The following MNT variants were observed in gnomAD, a reference collection of about 807,000 sequenced individuals.
MNT encodes the protein max-binding protein MNT.
Under a neutral mutation model 40.7 loss-of-function variants are expected in MNT, and 13 were observed. The ratio of observed to expected loss-of-function variants is 0.32; its 90% CI spans 0.21 to 0.51. MNT has a LOEUF of 0.51. MNT is among the 20% of genes least tolerant of loss of function. MNT has a pLI of 0.98. For synonymous variants in MNT, 426 were observed against 354.8 expected, an observed-to-expected ratio of 1.20 and a Z score of -2.26; for missense variants, 757 against 792.0, an observed-to-expected ratio of 0.96 and a Z score of 0.53.
rs1248214943 is a variant in MNT, at chr17:2,394,127, C to T, written c.723G>A (p.Glu241=). Reference sequence around the variant, plus strand: ...CGTTGGGGATGTTCCGCTTCAGGGTCTCAAAGCACTCTTTCAGATGGGCCC... The same window carrying T: ...CGTTGGGGATGTTCCGCTTCAGGGTTTCAAAGCACTCTTTCAGATGGGCCC... The part of the protein sequence containing the change: ...NRRAHLKECF[E]TLKRNIPNVD... The change falls in exon 4 of 6, where the codon GAG becomes GAA. Residue 241 remains glutamate (E), a synonymous_variant. Coordinates refer to ENST00000174618, the MANE Select transcript of MNT (RefSeq NM_020310.3). 3 of 1,609,272 alleles carry T rather than the reference C, an allele frequency of 1.9e-6. No homozygotes were observed. The highest frequency in any genetic ancestry group is 1.4e-5 in the African/African-American group (1 of 74,062).
intron 4 of MNT, chr17:2,390,051 A>G (rs1415607531): frequency 3.3e-5 from 5 of 152,272 alleles, no homozygotes; most frequent in African/African-American, 1.2e-4. Context: ...GGCTCATACA[A>G]AGTCTCTCAC....
Position 2,400,836 on chromosome 17 carries a change from G to A in MNT, c.-124C>T, listed in dbSNP as rs1379541415. ...CCGGGGGGCGACAGGGCTGGGCGGC[G>A]CAGCGCACTCCGCAGGGAAGAACGG... On this transcript the variant is annotated 5_prime_UTR_variant, in exon 1 of 6. Transcript: ENST00000174618. 7 of 638,902 alleles carry A rather than the reference G, an allele frequency of 1.1e-5. No homozygotes were observed. In the Admixed American group the frequency reaches 2.1e-4, roughly 19 times the overall value. 39.6% of individuals were successfully genotyped at this position (638,902 alleles called of 1,614,324 possible).
intron 1 of MNT, among the ~76,000 whole-genome samples, chr17:2,396,038 G>A (rs781678191): frequency 4.3e-4 from 66 of 152,174 alleles, no homozygotes; most frequent in Non-Finnish European, 8.2e-4. Context: ...TTCGCTGCAG[G>A]TCCCACAGCA....
In MNT at chr17:2,394,890, T is replaced by C. The variant is rs1305342400; in HGVS notation, c.638A>G (p.Lys213Arg). 10 of 1,591,198 alleles carry C rather than the reference T, an allele frequency of 6.3e-6. No individual in the cohort carries two copies. In the East Asian group the frequency reaches 1.8e-4, roughly 29 times the overall value. ...CCCCACTCACCCCCCGGGCCTCTTC[T>C]TCTGTTCACTGGATTTGACTTCTTC... ...PAEEVKSSEQ[K>R]KRPGGIGTRE... The change falls in exon 2 of 6, where the codon AAG becomes AGG. Residue 213 changes from lysine (K) to arginine (R), a missense_variant. Lys to Arg is a conservative substitution (Grantham distance 26). This residue lies in a region of MNT where 335 missense variants were observed against 291.4 expected (regional missense o/e 1.15). Transcript: ENST00000174618.
Position 2,386,557 on chromosome 17 carries a change from C to A in MNT, c.*344G>T. ...GCAGCAGCAGCACACGAAGGCGGGG[C>A]AGGGCGGGGGAGAAGTCAGGGAGCG... On this transcript the variant is annotated 3_prime_UTR_variant, in exon 6 of 6. Transcript: ENST00000174618. 3.7e-6 allele frequency: 1 copy of A among 268,182 alleles called. No homozygotes were observed. Among genetic ancestry groups the A allele is most frequent in the East Asian group, 6.7e-5 (1 of 14,894 alleles). 16.6% of individuals were successfully genotyped at this position (268,182 alleles called of 1,614,324 possible). A position where few individuals can be genotyped will look rare whatever the true frequency, so the allele number is the denominator to read the frequency against.
chr17:2,392,493 T>C (rs1029337545), intron 4 of MNT, among the ~76,000 whole-genome samples: 2 of 152,240 alleles, frequency 1.3e-5, no homozygotes, highest in East Asian at 3.8e-4. Context: ...CATGCCGTCC[T>C]TCCTATTTCT....
chr17:2,387,558 C>T lies in MNT; in HGVS notation c.1092G>A (p.Leu364=), dbSNP rs2066477163. The T allele has an allele frequency of 2.5e-6, 4 of 1,613,990 alleles. No individual in the cohort carries two copies. The highest frequency in any genetic ancestry group is 1.3e-5 in the African/African-American group (1 of 75,002). Residue 364 remains leucine (L), a synonymous_variant, in exon 6 of 6, where the codon CTG becomes CTA. Coordinates refer to ENST00000174618, the MANE Select transcript of MNT (RefSeq NM_020310.3). ...TGCTGGGGGGTGGCAGGGTGGACTT[C>T]AGCAGCTCCGGCTGGGGACGATGGC... The part of the protein sequence containing the change: ...KLSHRPQPEL[L]KSTLPPPSTT...
chr17:2,395,903 G>C (rs1484149153), intron 1 of MNT, among the ~76,000 whole-genome samples: 1 of 152,152 alleles, frequency 6.6e-6, no homozygotes, highest in Non-Finnish European at 1.5e-5. Flanking sequence ...ACCAGAGGGG[G>C]GGGTGTGCTG....
At chr17:2,399,521 G>A (rs2066600016) in intron 1 of MNT, among the ~76,000 whole-genome samples, 1 of 152,192 alleles carries the variant, frequency 6.6e-6, no homozygotes, top group African/African-American at 2.4e-5. Flanking sequence ...AACACAGGAG[G>A]TTAGGGGCCA....
In MNT at chr17:2,384,583, T is replaced by C. The variant is rs1324291663; in HGVS notation, c.*2318A>G. On this transcript the variant is annotated 3_prime_UTR_variant, in exon 6 of 6. Transcript: ENST00000174618. ...TAAAACACGCATGAGAGGTAAGATG[T>C]GTGCGTGTGCGTGCGTGTGTGTGTG... 2 of 138,178 alleles carry C rather than the reference T, an allele frequency of 1.4e-5. No homozygotes were observed. Among genetic ancestry groups the C allele is most frequent in the Non-Finnish European group, 3.2e-5 (2 of 63,352 alleles). The allele number at this position is 138,178 out of a possible 1,614,324, so 8.6% of individuals were successfully genotyped here.
chr17:2,387,039 G>GGCC lies in MNT; in HGVS notation c.1610_1611insGGC (p.Pro537_Pro538insAla). The GGCC allele has an allele frequency of 6.4e-7, 1 of 1,554,374 alleles. No individual in the cohort carries two copies. ...CCGGCTTTGCCATGACAGTAGCCGG[G>GGCC]GGCCCCAGGCCGGCCGTGCCGTTGA... On this transcript the variant is annotated inframe_insertion, in exon 6 of 6. Coordinates refer to ENST00000174618, the MANE Select transcript of MNT (RefSeq NM_020310.3).
At chr17:2,396,075 G>A (rs2066576487) in intron 1 of MNT, among the ~76,000 whole-genome samples, 1 of 152,204 alleles carries the variant, frequency 6.6e-6, no homozygotes, top group Non-Finnish European at 1.5e-5. Context: ...GAGGACGCTT[G>A]CCGTGCTCAC....
chr17:2,400,739 C>A lies in MNT; in HGVS notation c.-27G>T, dbSNP rs112592946. On this transcript the variant is annotated 5_prime_UTR_variant, in exon 1 of 6. Transcript: ENST00000174618. ...GCGCCGAGAGCTGCCGGGGGCGCGC[C>A]GGGGCCGAGGCTGCGGCCCGCGAGC... 1 of 1,515,908 alleles carries A rather than the reference C, an allele frequency of 6.6e-7. No homozygotes were observed. Among genetic ancestry groups the A allele is most frequent in the Non-Finnish European group, 8.8e-7 (1 of 1,138,682 alleles). The allele number at this position is 1,515,908 out of a possible 1,614,324, so 93.9% of individuals were successfully genotyped here. A position where few individuals can be genotyped will look rare whatever the true frequency, so the allele number is the denominator to read the frequency against.
In MNT at chr17:2,387,059, C is replaced by G. The variant is rs199839050; in HGVS notation, c.1591G>C (p.Gly531Arg). The G allele has an allele frequency of 1.5e-4, 230 of 1,561,558 alleles. No individual in the cohort carries two copies. The highest frequency in any genetic ancestry group is 1.8e-4 in the Non-Finnish European group (212 of 1,152,972). The stretch of plus-strand genomic sequence containing the variant: ...GCCGGGGGCCCCAGGCCGGCCGTGC[C>G]GTTGACTTGCTGGTGCGAGAGGGTG... ...AHTLSHQQVN[G>R]TAGLGPPATV... Residue 531 changes from glycine (G) to arginine (R), a missense_variant, in exon 6 of 6, where the codon GGC becomes CGC. Gly to Arg is a moderately radical substitution (Grantham distance 125). Coordinates refer to ENST00000174618, the MANE Select transcript of MNT (RefSeq NM_020310.3).
At chr17:2,393,845 T>G (rs944554883) in intron 4 of MNT, 198 bp downstream of exon 4, 18 of 286,592 alleles carry the variant, frequency 6.3e-5, no homozygotes, top group Non-Finnish European at 1.0e-4. Context: ...AGCCGCGCCC[T>G]CCTCTGCGCA....
chr17:2,388,432 C>A, intron 4 of MNT: 1 of 200,698 alleles, frequency 5.0e-6, no homozygotes, highest in Non-Finnish European at 1.0e-5. Flanking sequence ...TGCGCTTCCA[C>A]CTCACCGTTC....
chr17:2,393,317 G>A (rs1447962695), intron 4 of MNT, among the ~76,000 whole-genome samples: 1 of 152,160 alleles, frequency 6.6e-6, no homozygotes, highest in Non-Finnish European at 1.5e-5. Context: ...CGGCGCCCCC[G>A]GCCCGAGCAC....
Position 2,386,067 on chromosome 17 carries a change from G to A in MNT, c.*834C>T, listed in dbSNP as rs2066456190. 1 of 152,348 alleles carries A rather than the reference G, an allele frequency of 6.6e-6. No individual in the cohort carries two copies. Among genetic ancestry groups the A allele is most frequent in the Non-Finnish European group, 1.5e-5 (1 of 68,154 alleles). The allele number at this position is 152,348 out of a possible 1,614,324, so 9.4% of individuals were successfully genotyped here. A position where few individuals can be genotyped will look rare whatever the true frequency, so the allele number is the denominator to read the frequency against. On this transcript the variant is annotated 3_prime_UTR_variant, in exon 6 of 6. Coordinates refer to ENST00000174618, the MANE Select transcript of MNT (RefSeq NM_020310.3). ...GCTGGGGACTGGGGACTGGGGACAG[G>A]GGCCCAGTGGCTCTCCTCCCATCCA...
intron 5 of MNT, 88 bp downstream of exon 5, chr17:2,387,769 G>T: frequency 6.5e-7 from 1 of 1,547,672 alleles, no homozygotes; most frequent in African/African-American, 1.4e-5. Context: ...ATCTTTTCTA[G>T]CAGGCAAGAA....
Sources: gnomAD v4.1 joint callset for allele counts (sites outside exome capture counted in the v4.1 genomes callset) on GRCh38, gnomAD v4.1.1 for gene constraint, gnomAD v4.1.1 regional missense constraint, MANE v1.5 for transcripts, NCBI Gene and HGNC (gene_info 2026-07-23, HGNC 2026-07-21) for gene names.